The following TRPM3 variants were observed in gnomAD, a reference collection of about 807,000 sequenced individuals.
TRPM3 encodes the protein transient receptor potential cation channel subfamily M member 3, also known as long transient receptor potential channel 3.
Under a neutral mutation model 181.2 loss-of-function variants are expected in TRPM3, and 77 were observed. That is an observed-to-expected ratio of 0.42 (90% CI 0.35 to 0.51). TRPM3 has a LOEUF of 0.51. Among genes scored for constraint, TRPM3 ranks in the 20% least tolerant of loss-of-function variants. The pLI, the probability that TRPM3 is intolerant of heterozygous loss-of-function variation, is 0.01. For missense variants in TRPM3, 1,759 were observed against 2,196.7 expected (o/e 0.80, Z 3.98); for synonymous variants, 745 against 796.4 (o/e 0.94, Z 1.09).
intron 1 of TRPM3, among the ~76,000 whole-genome samples, chr9:71,132,466 G>A (rs938523993): frequency 4.6e-5 from 7 of 152,122 alleles, no homozygotes; most frequent in Admixed American, 2.0e-4. Flanking sequence ...GGGATCATTC[G>A]GGAGATTAAA....
At chr9:70,740,451 T>A (rs756583823) in intron 8 of TRPM3, among the ~76,000 whole-genome samples, 1 of 150,228 alleles carries the variant, frequency 6.7e-6, no homozygotes, top group African/African-American at 2.4e-5. Flanking sequence ...CATACCACCA[T>A]CATTCTTCAC....
chr9:71,365,959 A>C (rs747266188), intron 1 of TRPM3, among the ~76,000 whole-genome samples: 6 of 152,156 alleles, frequency 3.9e-5, no homozygotes, highest in Non-Finnish European at 7.4e-5. Context: ...TAAAATAAAA[A>C]AAGGGGGATA....
chr9:70,923,599 G>A (rs1201724937), intron 1 of TRPM3, among the ~76,000 whole-genome samples: 1 of 151,902 alleles, frequency 6.6e-6, no homozygotes, highest in East Asian at 1.9e-4. Flanking sequence ...ATTCCTAAGG[G>A]TCATGTGTCA....
At chr9:71,214,455 C>T (rs189286292) in intron 1 of TRPM3, among the ~76,000 whole-genome samples, 27 of 152,252 alleles carry the variant, frequency 1.8e-4, no homozygotes, top group Admixed American at 1.7e-3. Context: ...CAAATATTTA[C>T]AGCAGCATAA....
intron 1 of TRPM3, among the ~76,000 whole-genome samples, chr9:71,444,177 C>CAAAAAAAAAAAAA (rs34011806): frequency 8.9e-6 from 1 of 112,938 alleles, no homozygotes; most frequent in Non-Finnish European, 1.7e-5. Context: ...GAATACATCT[C>CAAAAAAAAAAAAA]AAAAAAAAAA....
chr9:71,443,268 G>A (rs2094158305), intron 1 of TRPM3, among the ~76,000 whole-genome samples: 1 of 151,866 alleles, frequency 6.6e-6, no homozygotes, highest in Non-Finnish European at 1.5e-5. Context: ...AATTCATAAA[G>A]CTTCCATTGT....
chr9:71,430,689 G>A (rs549646862), intron 1 of TRPM3, among the ~76,000 whole-genome samples: 21 of 152,160 alleles, frequency 1.4e-4, no homozygotes, highest in African/African-American at 4.8e-4. Context: ...GCGTGCACCT[G>A]TAATCCCAGC....
intron 8 of TRPM3, among the ~76,000 whole-genome samples, chr9:70,684,649 T>C (rs1348118017): frequency 1.3e-5 from 2 of 152,210 alleles, no homozygotes; most frequent in African/African-American, 4.8e-5. Context: ...CCATCAATGT[T>C]GGCAGAGATG....
intron 1 of TRPM3, among the ~76,000 whole-genome samples, chr9:71,323,401 C>T (rs1427920928): frequency 6.6e-6 from 1 of 152,082 alleles, no homozygotes; most frequent in Non-Finnish European, 1.5e-5. Context: ...TTTTATTCAT[C>T]TTCACATTAT....
At chr9:71,173,604 A>T (rs1325206602) in intron 1 of TRPM3, among the ~76,000 whole-genome samples, 1 of 152,164 alleles carries the variant, frequency 6.6e-6, no homozygotes, top group African/African-American at 2.4e-5. Flanking sequence ...GTATTGAGGG[A>T]GGTGCATGAA....
At chr9:70,664,354 A>T (rs1021951636) in intron 9 of TRPM3, among the ~76,000 whole-genome samples, 1 of 152,214 alleles carries the variant, frequency 6.6e-6, no homozygotes, top group Non-Finnish European at 1.5e-5. Context: ...TCTGGCAGAA[A>T]TCAGGGAGTC....
intron 1 of TRPM3, among the ~76,000 whole-genome samples, chr9:71,269,893 A>G (rs534569658): frequency 1.3e-5 from 2 of 152,290 alleles, no homozygotes; most frequent in Admixed American, 1.3e-4. Flanking sequence ...CTTTTATTCT[A>G]TTATTCAACA....
intron 1 of TRPM3, among the ~76,000 whole-genome samples, chr9:70,920,321 G>C (rs924332757): frequency 1.3e-5 from 2 of 152,072 alleles, no homozygotes; most frequent in South Asian, 4.1e-4. Context: ...ATAAAATTTT[G>C]TTTCATTGCT....
chr9:70,873,242 C>T (rs1446891455), intron 1 of TRPM3, among the ~76,000 whole-genome samples: 1 of 151,914 alleles, frequency 6.6e-6, no homozygotes, highest in Non-Finnish European at 1.5e-5. Context: ...ATTGTGTTCT[C>T]TAACATTTAG....
intron 1 of TRPM3, among the ~76,000 whole-genome samples, chr9:71,244,375 T>A (rs936736062): frequency 1.3e-5 from 2 of 152,094 alleles, no homozygotes; most frequent in African/African-American, 4.8e-5. Context: ...AATGAGTGAG[T>A]GGCAGCATCA....
At chr9:70,871,967 T>A (rs1200247638) in intron 1 of TRPM3, among the ~76,000 whole-genome samples, 3 of 151,996 alleles carry the variant, frequency 2.0e-5, no homozygotes, top group African/African-American at 7.2e-5. Context: ...TTTTCTACCA[T>A]CAGTAACGAG....
chr9:71,033,994 T>G (rs1322332449), intron 1 of TRPM3, among the ~76,000 whole-genome samples: 1 of 152,068 alleles, frequency 6.6e-6, no homozygotes, highest in Non-Finnish European at 1.5e-5. Context: ...ACGCACATCT[T>G]AGGGATGTGG....
In TRPM3 at chr9:70,784,193, T is replaced by C; in HGVS notation, c.1060A>G (p.Thr354Ala). The C allele has an allele frequency of 6.2e-7, 1 of 1,612,804 alleles. No homozygotes were observed. Among genetic ancestry groups the C allele is most frequent in the Non-Finnish European group, 8.5e-7 (1 of 1,179,616 alleles). The change falls in exon 7 of 26, where the codon ACC (threonine) becomes GCC (alanine). Residue 354 changes from threonine to alanine, a missense_variant. By Grantham distance (58) the Thr-to-Ala change is moderately conservative (BLOSUM62 0). Transcript: ENST00000677713. ...CAGACAACCACTGGCACGGGAGGGG[T>C]GTCTCGAAGGTACTCCAAAACAATC... Reference protein sequence around the residue: ...ISIVLEYLRDTPPVPVVVCDG... With the variant: ...ISIVLEYLRDAPPVPVVVCDG...
chr9:71,311,856 A>G (rs916002952), intron 1 of TRPM3, among the ~76,000 whole-genome samples: 3 of 152,118 alleles, frequency 2.0e-5, no homozygotes, highest in East Asian at 3.8e-4. Context: ...AAATCTTATC[A>G]TGTTTTAAGA....
Sources: gnomAD v4.1 joint callset for allele counts (sites outside exome capture counted in the v4.1 genomes callset) on GRCh38, gnomAD v4.1.1 for gene constraint, MANE v1.5 for transcripts, NCBI Gene and HGNC (gene_info 2026-07-23, HGNC 2026-07-21) for gene names.